Variants in NRXN1 observed in about 807,000 individuals in gnomAD.
NRXN1 encodes neurexin 1, also known as neurexin-1.
Under a neutral mutation model 150.9 loss-of-function variants are expected in NRXN1, and 39 were observed. That is an observed-to-expected ratio of 0.26 (90% CI 0.20 to 0.34). The LOEUF (loss-of-function observed/expected upper bound fraction) is 0.34. Ranked by LOEUF, NRXN1 falls within the 10% of genes least tolerant of loss-of-function variation. The pLI is 1.00. For synonymous variants in NRXN1, 924 were observed against 757.0 expected (o/e 1.22, Z -3.62); for missense variants, 1,815 against 1,949.9 (o/e 0.93, Z 1.30).
At chr2:50,223,759 T>C (rs2064106375) in intron 18 of NRXN1, among the ~76,000 whole-genome samples, 1 of 151,960 alleles carries the variant, frequency 6.6e-6, no homozygotes, top group Non-Finnish European at 1.5e-5. Flanking sequence ...CATGCTTAAG[T>C]ACACAGAGAC....
At chr2:50,179,429 C>T (rs1369517277) in intron 18 of NRXN1, among the ~76,000 whole-genome samples, 1 of 152,086 alleles carries the variant, frequency 6.6e-6, no homozygotes, top group Non-Finnish European at 1.5e-5. Context: ...AGTTTTTCAT[C>T]AGTAATGGGC....
At chr2:50,559,946 G>A (rs757370038) in intron 8 of NRXN1, among the ~76,000 whole-genome samples, 1 of 152,088 alleles carries the variant, frequency 6.6e-6, no homozygotes, top group African/African-American at 2.4e-5. Flanking sequence ...TAAAGTTGGT[G>A]CTTTCCACAA....
At chr2:50,203,362 C>G (rs1206379755) in intron 18 of NRXN1, among the ~76,000 whole-genome samples, 1 of 152,116 alleles carries the variant, frequency 6.6e-6, no homozygotes, top group Non-Finnish European at 1.5e-5. Context: ...TGACATGGGT[C>G]TTTACATTCT....
chr2:50,803,292 T>C (rs1707869111), intron 5 of NRXN1, among the ~76,000 whole-genome samples: 1 of 152,176 alleles, frequency 6.6e-6, no homozygotes, highest in South Asian at 2.1e-4. Context: ...GAGAAGCCTT[T>C]TCAGAAAATG....
intron 5 of NRXN1, among the ~76,000 whole-genome samples, chr2:50,816,077 C>A (rs1166805678): frequency 6.6e-6 from 1 of 152,110 alleles, no homozygotes; most frequent in Non-Finnish European, 1.5e-5. Context: ...CAATATTATT[C>A]TTTTTAATTG....
intron 5 of NRXN1, among the ~76,000 whole-genome samples, chr2:50,814,837 G>C (rs1668700635): frequency 6.6e-6 from 1 of 151,932 alleles, no homozygotes; most frequent in South Asian, 2.1e-4. Context: ...TCCTTACTTA[G>C]CATTGCACTG....
intron 21 of NRXN1, among the ~76,000 whole-genome samples, chr2:49,995,877 A>G (rs992306199): frequency 1.1e-4 from 16 of 141,322 alleles, no homozygotes; most frequent in East Asian, 2.0e-4. Context: ...AAAAAAAAAA[A>G]AAAAAAGAAA....
chr2:50,512,106 A>G (rs2092472864), intron 12 of NRXN1, among the ~76,000 whole-genome samples: 1 of 152,144 alleles, frequency 6.6e-6, no homozygotes, highest in African/African-American at 2.4e-5. Context: ...CCTACAGCCA[A>G]CTTCAAACTA....
chr2:50,111,230 T>C (rs1438068147), intron 18 of NRXN1, among the ~76,000 whole-genome samples: 1 of 152,204 alleles, frequency 6.6e-6, no homozygotes, highest in African/African-American at 2.4e-5. Context: ...TCTCATGTGA[T>C]AACAGAAGCC....
intron 17 of NRXN1, among the ~76,000 whole-genome samples, chr2:50,328,483 T>C (rs930894897): frequency 2.0e-5 from 3 of 152,108 alleles, no homozygotes; most frequent in African/African-American, 7.2e-5. Context: ...ACACCTATAA[T>C]CCCAGCACTT....
In NRXN1 at chr2:50,712,249, CAGTT is replaced by C. The variant is rs141209551; in HGVS notation, c.833-88638_833-88635del. On this transcript the variant is annotated intron_variant, in intron 5 of 22. Coordinates refer to ENST00000401669, the MANE Select transcript of NRXN1 (RefSeq NM_001330078.2). ...ACATCAGGTTCCAAGTAAGAGGTGTCAGTTAGATTCTAAAGTCTTCCCTTTCCTT... is the reference window on the plus strand; with the variant it reads ...ACATCAGGTTCCAAGTAAGAGGTGTCAGATTCTAAAGTCTTCCCTTTCCTT... 2.6e-3 allele frequency among the ~76,000 whole-genome samples: 402 copies of C among 152,190 alleles called. 5 individuals carry two copies. In the East Asian group the frequency reaches 0.054, roughly 20 times the overall value.
At chr2:50,960,703 G>A (rs750800901) in intron 2 of NRXN1, among the ~76,000 whole-genome samples, 23 of 151,998 alleles carry the variant, frequency 1.5e-4, no homozygotes, top group Non-Finnish European at 2.9e-4. Flanking sequence ...AGTGCTCAGA[G>A]TATTATTTAC....
chr2:50,772,094 C>T (rs552951784), intron 5 of NRXN1, among the ~76,000 whole-genome samples: 2 of 151,934 alleles, frequency 1.3e-5, no homozygotes, highest in African/African-American at 2.4e-5. Context: ...GAATACAAGT[C>T]CTGGGGTTAT....
At chr2:50,744,917 C>T (rs1204610727) in intron 5 of NRXN1, among the ~76,000 whole-genome samples, 2 of 152,066 alleles carry the variant, frequency 1.3e-5, no homozygotes, top group Non-Finnish European at 2.9e-5. Context: ...AAAATGATAA[C>T]TGAATCATAA....
chr2:49,947,514 C>CTTTTTTTT (rs199991365), intron 21 of NRXN1, among the ~76,000 whole-genome samples: 7 of 109,000 alleles, frequency 6.4e-5, no homozygotes, highest in African/African-American at 1.0e-4. Flanking sequence ...TTTTTTTTTT[C>CTTTTTTTT]TTTTTTTTTT....
intron 21 of NRXN1, among the ~76,000 whole-genome samples, chr2:50,014,710 T>C (rs1686279196): frequency 6.6e-6 from 1 of 152,162 alleles, no homozygotes; most frequent in Admixed American, 6.5e-5. Flanking sequence ...CAATGTCACA[T>C]GGTTAATAAA....
intron 5 of NRXN1, among the ~76,000 whole-genome samples, chr2:50,674,768 TAA>T (rs962326943): frequency 1.2e-4 from 18 of 152,010 alleles, no homozygotes; most frequent in African/African-American, 4.1e-4. Context: ...AGGGTGAAAA[TAA>T]AGGAAGAAGA....
intron 8 of NRXN1, among the ~76,000 whole-genome samples, chr2:50,584,058 C>G (rs1278790796): frequency 6.6e-6 from 1 of 152,108 alleles, no homozygotes; most frequent in Admixed American, 6.5e-5. Context: ...AAGAAAAAGT[C>G]TACCCAGTAT....
intron 17 of NRXN1, among the ~76,000 whole-genome samples, chr2:50,312,992 G>A (rs1185742731): frequency 1.3e-5 from 2 of 151,940 alleles, no homozygotes; most frequent in East Asian, 1.9e-4. Context: ...GATGGCTGTA[G>A]ACACTAATAA....
Sources: allele counts gnomAD v4.1 joint callset (sites outside exome capture counted in the v4.1 genomes callset), GRCh38; gene constraint gnomAD v4.1.1; transcripts MANE v1.5; gene names NCBI Gene and HGNC (gene_info 2026-07-23, HGNC 2026-07-21).